The following ANXA5 variants were observed in gnomAD, a reference collection of about 807,000 sequenced individuals.
ANXA5 encodes CBP-I.
A neutral mutation model predicts 48.1 loss-of-function variants in ANXA5; 40 were observed. That is an observed-to-expected ratio of 0.83 (90% CI 0.65 to 1.08). The LOEUF is 1.08. Ranked by LOEUF, ANXA5 falls within the 50% of genes least tolerant of loss-of-function variation. The probability of loss-of-function intolerance (pLI) is 0.00; values close to 1 mark genes in which losing one functional copy is unlikely to be tolerated. For synonymous variants in ANXA5, 113 were observed against 129.1 expected (o/e 0.88, Z 0.85); for missense variants, 357 against 376.8 (o/e 0.95, Z 0.44).
intron 1 of ANXA5, 80 bp from the exon 2 acceptor site, chr4:121,696,704 G>C (rs1017845787): frequency 4.2e-5 from 43 of 1,022,124 alleles, no homozygotes; most frequent in African/African-American, 5.1e-5. Flanking sequence ...GCGGGGACCC[G>C]GCGGCGCTCA....
At chr4:121,669,898 G>A (rs1007602770) in intron 11 of ANXA5, 56 bp downstream of exon 11, 2 of 1,478,762 alleles carry the variant, frequency 1.4e-6, no homozygotes, top group African/African-American at 2.8e-5. Context: ...CAAAAGTGAA[G>A]AATAATAATT....
intron 8 of ANXA5, among the ~76,000 whole-genome samples, chr4:121,673,352 A>C (rs77815957): frequency 0.043 from 6,567 of 152,310 alleles, 177 homozygotes; most frequent in Non-Finnish European, 0.062. Context: ...TGACGTGAGA[A>C]TAATTTATTA....
In ANXA5 at chr4:121,668,335, T is replaced by C; in HGVS notation, c.*133A>G. 4.2e-6 allele frequency: 3 copies of C among 722,536 alleles called. No individual in the cohort carries two copies. The highest frequency in any genetic ancestry group is 7.3e-6 in the Non-Finnish European group (3 of 410,516). 44.8% of individuals were successfully genotyped at this position (722,536 alleles called of 1,614,324 possible). A position where few individuals can be genotyped will look rare whatever the true frequency, so the allele number is the denominator to read the frequency against. ...CCACTATTTTCTTCTATGACGTGTA[T>C]GTGTTGGTCATGAGCATGCTAGTAT... On this transcript the variant is annotated 3_prime_UTR_variant, in exon 13 of 13. Transcript: ENST00000296511.
At chr4:121,685,180 C>T (rs1486066604) in intron 3 of ANXA5, among the ~76,000 whole-genome samples, 1 of 151,934 alleles carries the variant, frequency 6.6e-6, no homozygotes, top group African/African-American at 2.4e-5. Flanking sequence ...ATATATTCTA[C>T]CCCCCATTCC....
chr4:121,681,611 C>T (rs569176696), intron 6 of ANXA5, 60 bp downstream of exon 6: 1 of 1,175,838 alleles, frequency 8.5e-7, no homozygotes, highest in East Asian at 2.4e-5. Context: ...GCATTCAAAT[C>T]ACAGAAATGA....
chr4:121,696,049 A>C (rs1019866408), intron 2 of ANXA5, among the ~76,000 whole-genome samples: 1 of 148,624 alleles, frequency 6.7e-6, no homozygotes. Context: ...CTTTTGGATT[A>C]AAAAAAAAAT....
intron 2 of ANXA5, among the ~76,000 whole-genome samples, chr4:121,695,915 A>G (rs1725071979): frequency 6.6e-6 from 1 of 151,940 alleles, no homozygotes; most frequent in African/African-American, 2.4e-5. Context: ...AAAAAAGGAA[A>G]AAAAAAAAAC....
At chr4:121,690,110 C>T (rs560298508) in intron 2 of ANXA5, among the ~76,000 whole-genome samples, 1 of 152,322 alleles carries the variant, frequency 6.6e-6, no homozygotes, top group South Asian at 2.1e-4. Context: ...TGCAGCAATG[C>T]ACCAGGCACC....
chr4:121,681,634 T>C (rs1724794131), intron 6 of ANXA5, 37 bp downstream of exon 6: 1 of 1,392,716 alleles, frequency 7.2e-7, no homozygotes, highest in Non-Finnish European at 1.0e-6. Context: ...GAAGTGATAG[T>C]GGAGGTGAAG....
chr4:121,690,582 A>G (rs542622843), intron 2 of ANXA5, among the ~76,000 whole-genome samples: 15 of 152,302 alleles, frequency 9.8e-5, no homozygotes, highest in African/African-American at 3.1e-4. Context: ...TTAAGAGAAA[A>G]AAAAAGGCTT....
chr4:121,668,338 G>A lies in ANXA5; in HGVS notation c.*130C>T. On this transcript the variant is annotated 3_prime_UTR_variant, in exon 13 of 13. Coordinates refer to ENST00000296511, the MANE Select transcript of ANXA5 (RefSeq NM_001154.4). ...CTATTTTCTTCTATGACGTGTATGT[G>A]TTGGTCATGAGCATGCTAGTATGAA... 3 of 749,064 alleles carry A rather than the reference G, an allele frequency of 4.0e-6. No individual in the cohort carries two copies. The highest frequency in any genetic ancestry group is 4.6e-6 in the Non-Finnish European group (2 of 431,028). 46.4% of individuals were successfully genotyped at this position (749,064 alleles called of 1,614,324 possible).
chr4:121,685,632 A>C (rs1487840366), intron 3 of ANXA5, among the ~76,000 whole-genome samples: 1 of 152,226 alleles, frequency 6.6e-6, no homozygotes, highest in Non-Finnish European at 1.5e-5. Flanking sequence ...GCACATGAAC[A>C]GTAGTACAAA....
intron 1 of ANXA5, 96 bp downstream of exon 1, chr4:121,696,767 G>T: frequency 2.3e-6 from 1 of 438,420 alleles, no homozygotes; most frequent in Non-Finnish European, 4.0e-6. Context: ...GCAGCTACCG[G>T]GACAGCTCTC....
At chr4:121,692,073 T>C (rs1724996018) in intron 2 of ANXA5, among the ~76,000 whole-genome samples, 1 of 152,196 alleles carries the variant, frequency 6.6e-6, no homozygotes, top group Admixed American at 6.5e-5. Flanking sequence ...AACTGGCCTA[T>C]TGCTTACTTT....
At chr4:121,673,001 G>A (rs1724637688) in intron 8 of ANXA5, among the ~76,000 whole-genome samples, 1 of 152,190 alleles carries the variant, frequency 6.6e-6, no homozygotes, top group Admixed American at 6.5e-5. Flanking sequence ...GGATTTAACT[G>A]GAAGCTAAGT....
intron 3 of ANXA5, among the ~76,000 whole-genome samples, chr4:121,685,604 G>A (rs2110487364): frequency 6.6e-6 from 1 of 152,306 alleles, no homozygotes; most frequent in Non-Finnish European, 1.5e-5. Flanking sequence ...ACAATGGAAG[G>A]ACTTACAGGG....
rs557592778 is a variant in ANXA5, at chr4:121,672,042, T to C, written c.626-400A>G. On this transcript the variant is annotated intron_variant, in intron 9 of 12. Coordinates refer to ENST00000296511, the MANE Select transcript of ANXA5 (RefSeq NM_001154.4). The stretch of plus-strand genomic sequence containing the variant: ...AAGAAAACCAAAACACTAGGGATAA[T>C]GGAGCAAAAAGAAAAACCAGAAAGA... 3.3e-5 allele frequency among the ~76,000 whole-genome samples: 5 copies of C among 152,234 alleles called. 1 individual carries two copies. The highest frequency in any genetic ancestry group is 1.2e-4 in the African/African-American group (5 of 41,544).
In ANXA5 at chr4:121,692,809, A is replaced by G. The variant is rs1258633710; in HGVS notation, c.9+3772T>C. On this transcript the variant is annotated intron_variant, in intron 2 of 12. Coordinates refer to ENST00000296511, the MANE Select transcript of ANXA5 (RefSeq NM_001154.4). ...ATGCACACAAAAGACTTGGCAATGC[A>G]TCTATTATATCAATAAATCTTAGAT... 2.0e-5 allele frequency among the ~76,000 whole-genome samples: 3 copies of G among 152,256 alleles called. No homozygotes were observed. In the East Asian group the frequency reaches 5.8e-4, roughly 29 times the overall value.
chr4:121,671,605 A>T lies in ANXA5; in HGVS notation c.663T>A (p.Ile221=). The T allele has an allele frequency of 6.2e-7, 1 of 1,613,528 alleles. No individual in the cohort carries two copies. Among genetic ancestry groups the T allele is most frequent in the Non-Finnish European group, 8.5e-7 (1 of 1,179,552 alleles). ...DKYMTISGFQ[I]EETIDRETSG... ...AAGTCTCGCGGTCAATGGTTTCCTC[A>T]ATTTGAAATCCTGATATAGTCATGT... is the stretch of plus-strand genomic sequence containing the variant. Residue 221 remains isoleucine (I), a synonymous_variant, in exon 10 of 13, where the codon ATT becomes ATA. Coordinates refer to ENST00000296511, the MANE Select transcript of ANXA5 (RefSeq NM_001154.4).
Sources: allele counts gnomAD v4.1 joint callset (sites outside exome capture counted in the v4.1 genomes callset), GRCh38; gene constraint gnomAD v4.1.1; transcripts MANE v1.5; gene names NCBI Gene and HGNC (gene_info 2026-07-23, HGNC 2026-07-21).